Variants in SH3RF2 observed in about 807,000 individuals in gnomAD.
The protein encoded by SH3RF2 is E3 ubiquitin-protein ligase SH3RF2.
A neutral mutation model predicts 59.0 loss-of-function variants in SH3RF2; 43 were observed. The observed-to-expected ratio is 0.73, with a 90% confidence interval of 0.57 to 0.94. The LOEUF (loss-of-function observed/expected upper bound fraction) is 0.94, where lower values mean the gene tolerates loss of function less well. SH3RF2 is among the 40% of genes least tolerant of loss of function. SH3RF2 has a pLI of 0.00. For missense variants in SH3RF2, 930 were observed against 940.1 expected, an observed-to-expected ratio of 0.99 and a Z score of 0.14; for synonymous variants, 391 against 391.5, an observed-to-expected ratio of 1.00 and a Z score of 0.01.
intron 5 of SH3RF2, among the ~76,000 whole-genome samples, chr5:146,034,379 G>A (rs1324045316): frequency 6.6e-6 from 1 of 152,198 alleles, no homozygotes; most frequent in Non-Finnish European, 1.5e-5. Flanking sequence ...GGCAGGGATG[G>A]TGAGTCTCTG....
chr5:146,067,942 G>C (rs1486362269), downstream of SH3RF2, among the ~76,000 whole-genome samples: 1 of 152,154 alleles, frequency 6.6e-6, no homozygotes, highest in Non-Finnish European at 1.5e-5. Context: ...TATCTTAACT[G>C]TGACCCTGGA....
downstream of SH3RF2, among the ~76,000 whole-genome samples, chr5:146,065,191 A>T (rs181451305): frequency 2.1e-3 from 324 of 152,260 alleles, 3 homozygotes; most frequent in African/African-American, 7.6e-3. Context: ...ATGTTTGTGG[A>T]CCCAAACAAA....
chr5:145,969,050 G>T (rs919883236), intron 2 of SH3RF2, among the ~76,000 whole-genome samples: 2 of 151,932 alleles, frequency 1.3e-5, no homozygotes, highest in Admixed American at 1.3e-4. Flanking sequence ...TGCTTCTCAG[G>T]TCCCACCAGA....
At chr5:145,955,860 G>A (rs1758388904) in intron 2 of SH3RF2, among the ~76,000 whole-genome samples, 1 of 152,172 alleles carries the variant, frequency 6.6e-6, no homozygotes, top group Non-Finnish European at 1.5e-5. Context: ...GAAACACAGG[G>A]TAGGTTTAGT....
chr5:146,049,963 G>C (rs755788527), intron 7 of SH3RF2: 1 of 152,744 alleles, frequency 6.5e-6, no homozygotes, highest in African/African-American at 2.4e-5. Context: ...AAGGCAGTGA[G>C]GCTACCACCA....
intron 5 of SH3RF2, among the ~76,000 whole-genome samples, chr5:146,045,479 T>C (rs1762270844): frequency 6.6e-6 from 1 of 152,226 alleles, no homozygotes; most frequent in Non-Finnish European, 1.5e-5. Context: ...AGCTATCACC[T>C]CATATTCCCC....
At position 145,951,543 on chromosome 5, in the gene SH3RF2, C is replaced by A. The variant is rs79518655; in HGVS notation, c.378+13237C>A. Among the ~76,000 whole-genome samples, 528 of 152,318 alleles carry A rather than the reference C, an allele frequency of 3.5e-3. 11 individuals are homozygous for A. The highest frequency in any genetic ancestry group is 0.027 in the Admixed American group (407 of 15,302). On this transcript the variant is annotated intron_variant, in intron 2 of 9. Transcript: ENST00000359120. ...CTTGAAGGTCCTCCAAGCCACCCCT[C>A]CTATGCTTCAGTCCTCTCACTGACT...
At chr5:146,052,349 C>T (rs1406785047) in intron 7 of SH3RF2, among the ~76,000 whole-genome samples, 1 of 152,126 alleles carries the variant, frequency 6.6e-6, no homozygotes, top group Non-Finnish European at 1.5e-5. Flanking sequence ...CAAGGTCGGT[C>T]TATTGTGTTC....
At chr5:146,075,563 C>G (rs1763323302) in intron 9 of SH3RF2, among the ~76,000 whole-genome samples, 1 of 152,042 alleles carries the variant, frequency 6.6e-6, no homozygotes, top group African/African-American at 2.4e-5. Flanking sequence ...ATAATCCTAG[C>G]ACTTTGGGAG....
intron 2 of SH3RF2, among the ~76,000 whole-genome samples, chr5:145,993,320 T>A (rs928549061): frequency 9.9e-5 from 15 of 152,146 alleles, no homozygotes; most frequent in Non-Finnish European, 2.2e-4. Context: ...TGTCAGTGGA[T>A]CTACCATTCT....
rs779760080 is a variant in SH3RF2, at chr5:146,060,225, G to A, written c.1914+1G>A. 16 of 1,600,530 alleles carry A rather than the reference G, an allele frequency of 1.0e-5. No homozygotes were observed. Among genetic ancestry groups the A allele is most frequent in the South Asian group, 2.3e-5 (2 of 88,432 alleles). Reference sequence around the variant, plus strand: ...AAACTCAAGAAATGGCATCGAAAAGGTAGGATCAGAGTGACATTGGGGGCC... The same window carrying A: ...AAACTCAAGAAATGGCATCGAAAAGATAGGATCAGAGTGACATTGGGGGCC... On this transcript the variant is annotated splice_donor_variant, in intron 9 of 9. Coordinates refer to ENST00000359120, the MANE Select transcript of SH3RF2 (RefSeq NM_152550.4). LOFTEE classifies it high-confidence loss of function.
intron 2 of SH3RF2, among the ~76,000 whole-genome samples, chr5:145,962,803 C>G (rs190812045): frequency 4.6e-5 from 7 of 152,062 alleles, no homozygotes; most frequent in East Asian, 3.9e-4. Context: ...ATTGTAACAC[C>G]TATCTCCCTT....
At position 145,958,153 on chromosome 5, in the gene SH3RF2, T is replaced by C. The variant is rs140382610; in HGVS notation, c.378+19847T>C. ...AAAAACAAAACAAAACAAAAAAACC[T>C]GTGTTTGAATCCAGGTCTGTCACAT... On this transcript the variant is annotated intron_variant, in intron 2 of 9. Coordinates refer to ENST00000359120, the MANE Select transcript of SH3RF2 (RefSeq NM_152550.4). 3.4e-4 allele frequency among the ~76,000 whole-genome samples: 52 copies of C among 151,546 alleles called. No individual in the cohort carries two copies. The East Asian group carries it at 6.6e-3, about 19-fold the overall frequency.
downstream of SH3RF2, among the ~76,000 whole-genome samples, chr5:146,066,494 T>A (rs1474522230): frequency 6.6e-6 from 1 of 152,176 alleles, no homozygotes; most frequent in Admixed American, 6.5e-5. Context: ...TAGACTGGGA[T>A]GTTTTTAAGC....
At chr5:145,967,605 C>A (rs1451117308) in intron 2 of SH3RF2, among the ~76,000 whole-genome samples, 1 of 152,162 alleles carries the variant, frequency 6.6e-6, no homozygotes, top group Non-Finnish European at 1.5e-5. Flanking sequence ...TCTTTTCTAG[C>A]CAACAATTAG....
chr5:146,061,109 G>A (rs893317641), intron 9 of SH3RF2, among the ~76,000 whole-genome samples: 8 of 152,196 alleles, frequency 5.3e-5, no homozygotes, highest in African/African-American at 1.9e-4. Context: ...ACCAGTTATC[G>A]AATACTAACA....
intron 2 of SH3RF2, among the ~76,000 whole-genome samples, chr5:145,981,810 G>A (rs1252735681): frequency 5.3e-5 from 8 of 152,218 alleles, no homozygotes; most frequent in Non-Finnish European, 1.0e-4. Context: ...GATGGGCAGT[G>A]GCTGCTGTAT....
intron 2 of SH3RF2, among the ~76,000 whole-genome samples, chr5:145,944,434 C>T (rs904694132): frequency 6.6e-6 from 1 of 151,354 alleles, no homozygotes; most frequent in African/African-American, 2.4e-5. Context: ...TTGCTGCAGC[C>T]TCGAACTCCT....
At chr5:146,034,781 T>C (rs545876943) in intron 5 of SH3RF2, among the ~76,000 whole-genome samples, 2 of 152,164 alleles carry the variant, frequency 1.3e-5, no homozygotes, top group Non-Finnish European at 1.5e-5. Context: ...AGAATGTAAA[T>C]CCTTCATTTA....
Sources: gnomAD v4.1 joint callset for allele counts (sites outside exome capture counted in the v4.1 genomes callset) on GRCh38, gnomAD v4.1.1 for gene constraint, MANE v1.5 for transcripts, NCBI Gene and HGNC (gene_info 2026-07-23, HGNC 2026-07-21) for gene names.